The following CDH13 variants were observed in gnomAD, a reference collection of about 807,000 sequenced individuals.
CDH13 encodes the protein cadherin-13.
CDH13 carries 24 observed loss-of-function variants against 63.8 expected under a neutral mutation model. That is an observed-to-expected ratio of 0.38 (90% CI 0.27 to 0.53). CDH13 has a LOEUF of 0.53. Among genes scored for constraint, CDH13 ranks in the 20% least tolerant of loss-of-function variants. The pLI is 0.85. For missense variants in CDH13, 1,049 were observed against 903.1 expected (o/e 1.16, Z -2.07); for synonymous variants, 503 against 355.3 (o/e 1.42, Z -4.67).
At chr16:83,094,925 T>C (rs1002318321) in intron 3 of CDH13, among the ~76,000 whole-genome samples, 9 of 152,194 alleles carry the variant, frequency 5.9e-5, no homozygotes, top group Non-Finnish European at 1.0e-4. Context: ...GAAAACCGGT[T>C]TGATGATGAT....
Position 83,390,812 on chromosome 16 carries a change from G to A in CDH13, c.781+45806G>A, listed in dbSNP as rs144732322. On this transcript the variant is annotated intron_variant, in intron 6 of 13. Transcript: ENST00000567109. ...TAAAAATATTTATTCAGCCGAGGTA[G>A]CTGAAGCAGGAGAAGGAAGAGCCTC... 1.2e-3 allele frequency among the ~76,000 whole-genome samples: 184 copies of A among 152,266 alleles called. 1 individual carries two copies. The highest frequency in any genetic ancestry group is 1.9e-3 in the Non-Finnish European group (132 of 68,028).
At chr16:83,335,834 A>G (rs1406862742) in intron 5 of CDH13, among the ~76,000 whole-genome samples, 1 of 151,988 alleles carries the variant, frequency 6.6e-6, no homozygotes, top group Admixed American at 6.6e-5. Flanking sequence ...GCACCCCCTT[A>G]GAGTTGTGAG....
At chr16:83,232,560 A>C (rs2040034217) in intron 5 of CDH13, among the ~76,000 whole-genome samples, 3 of 151,526 alleles carry the variant, frequency 2.0e-5, no homozygotes, top group Admixed American at 6.6e-5. Context: ...AAACAAAAAA[A>C]AAAAAAAGTG....
chr16:83,113,574 C>T (rs4530122), intron 3 of CDH13, among the ~76,000 whole-genome samples: 82,211 of 152,116 alleles, frequency 0.54, 22,710 homozygotes, highest in African/African-American at 0.58. Flanking sequence ...CTGGCACTGA[C>T]GACACAGTGG....
At chr16:83,457,989 C>G (rs901976418) in intron 6 of CDH13, among the ~76,000 whole-genome samples, 1 of 152,160 alleles carries the variant, frequency 6.6e-6, no homozygotes, top group African/African-American at 2.4e-5. Flanking sequence ...AAAGAGGGTC[C>G]CGGGGGCAGA....
intron 5 of CDH13, among the ~76,000 whole-genome samples, chr16:83,235,507 C>G (rs2040117780): frequency 6.6e-6 from 1 of 151,878 alleles, no homozygotes; most frequent in South Asian, 2.1e-4. Context: ...TACCCCGACC[C>G]AAAATCTGAG....
intron 3 of CDH13, among the ~76,000 whole-genome samples, chr16:83,034,661 C>T (rs1213386455): frequency 1.3e-5 from 2 of 152,158 alleles, no homozygotes; most frequent in African/African-American, 2.4e-5. Context: ...GATTGTTCTT[C>T]GTGAATGGTG....
At position 83,589,537 on chromosome 16, in the gene CDH13, A is replaced by C. The variant is rs1350730694; in HGVS notation, c.961-12917A>C. Among the ~76,000 whole-genome samples, 3 of 151,682 alleles carry C rather than the reference A, an allele frequency of 2.0e-5. No homozygotes were observed. In the East Asian group the frequency reaches 5.9e-4, roughly 30 times the overall value. On this transcript the variant is annotated intron_variant, in intron 7 of 13. Coordinates refer to ENST00000567109, the MANE Select transcript of CDH13 (RefSeq NM_001257.5). ...CTTAACAAAGCCTCTTGTGCCACCT[A>C]AGGTAAAATATTCACAGATTCCAGG...
chr16:82,652,269 G>C (rs1413662531), intron 1 of CDH13, among the ~76,000 whole-genome samples: 2 of 152,162 alleles, frequency 1.3e-5, no homozygotes, highest in South Asian at 4.1e-4. Context: ...GGCTCTGAAA[G>C]ATTACAGGAA....
chr16:83,752,508 T>C (rs575759885), intron 11 of CDH13, among the ~76,000 whole-genome samples: 37 of 152,244 alleles, frequency 2.4e-4, no homozygotes, highest in Non-Finnish European at 4.7e-4. Flanking sequence ...AATTTCTGTG[T>C]GGAAGCAGCA....
intron 10 of CDH13, among the ~76,000 whole-genome samples, chr16:83,680,456 T>G (rs1191839988): frequency 6.6e-6 from 1 of 152,036 alleles, no homozygotes; most frequent in East Asian, 1.9e-4. Flanking sequence ...CCCAGCAAAC[T>G]GAGTTAGGAA....
In CDH13 at chr16:82,679,516, A is replaced by G. The variant is rs1019121709; in HGVS notation, c.45+52379A>G. 1.1e-4 allele frequency among the ~76,000 whole-genome samples: 16 copies of G among 152,344 alleles called. 1 individual carries two copies. The highest frequency in any genetic ancestry group is 3.8e-4 in the African/African-American group (16 of 41,582). On this transcript the variant is annotated intron_variant, in intron 1 of 13. Coordinates refer to ENST00000567109, the MANE Select transcript of CDH13 (RefSeq NM_001257.5). ...AAAATAACGCCTGGTAAGATGCCAA[A>G]TGGTGGAAACCGAGGCAGAAGATAG...
intron 3 of CDH13, among the ~76,000 whole-genome samples, chr16:83,097,076 C>T (rs557908857): frequency 1.3e-5 from 2 of 152,188 alleles, no homozygotes; most frequent in South Asian, 4.1e-4. Flanking sequence ...TCTCTGTGTA[C>T]TGTGGACAAG....
chr16:83,547,280 G>A (rs1300668320), intron 7 of CDH13, among the ~76,000 whole-genome samples: 2 of 152,242 alleles, frequency 1.3e-5, no homozygotes, highest in African/African-American at 4.8e-5. Context: ...CAGGAACCTG[G>A]ATAAGTGGCT....
intron 8 of CDH13, among the ~76,000 whole-genome samples, chr16:83,650,955 A>T (rs865842594): frequency 6.6e-6 from 1 of 151,284 alleles, no homozygotes; most frequent in African/African-American, 2.4e-5. Flanking sequence ...TTAAATATAT[A>T]TATAGTGTGG....
chr16:83,252,003 C>A (rs537595611), intron 5 of CDH13, among the ~76,000 whole-genome samples: 1 of 151,422 alleles, frequency 6.6e-6, no homozygotes, highest in Non-Finnish European at 1.5e-5. Flanking sequence ...GACTGATCCC[C>A]GGGATGCATT....
rs562215022 is a variant in CDH13, at chr16:82,647,744, C to A, written c.45+20607C>A. Among the ~76,000 whole-genome samples, 10 of 151,886 alleles carry A rather than the reference C, an allele frequency of 6.6e-5. No homozygotes were observed. The East Asian group carries it at 1.7e-3, about 26-fold the overall frequency. On this transcript the variant is annotated intron_variant, in intron 1 of 13. Transcript: ENST00000567109. ...TAGATATTTGCAGTTGGAAGTTGAG[C>A]CAGCCCTGTAATGGAAAAGCCAGAA...
chr16:83,394,986 A>G (rs948871553), intron 6 of CDH13, among the ~76,000 whole-genome samples: 4 of 152,046 alleles, frequency 2.6e-5, no homozygotes, highest in Non-Finnish European at 5.9e-5. Flanking sequence ...CGTCTCTACT[A>G]AAAATGCAAA....
intron 6 of CDH13, among the ~76,000 whole-genome samples, chr16:83,459,022 T>G (rs570777995): frequency 6.6e-6 from 1 of 152,376 alleles, no homozygotes; most frequent in African/African-American, 2.4e-5. Context: ...TAACTGTCAA[T>G]TCCAACAAAC....
Sources: gnomAD v4.1 joint callset for allele counts (sites outside exome capture counted in the v4.1 genomes callset) on GRCh38, gnomAD v4.1.1 for gene constraint, MANE v1.5 for transcripts, NCBI Gene and HGNC (gene_info 2026-07-23, HGNC 2026-07-21) for gene names.